Variants in AUTS2 observed in about 807,000 individuals in gnomAD.
AUTS2 encodes the protein autism susceptibility gene 2 protein.
In AUTS2, 17 loss-of-function variants were observed where a neutral mutation model predicts 112.4. That is an observed-to-expected ratio of 0.15 (90% CI 0.10 to 0.23). The LOEUF (loss-of-function observed/expected upper bound fraction) is 0.23. AUTS2 is among the 10% of genes least tolerant of loss of function. AUTS2 has a pLI of 1.00. For missense variants in AUTS2, 1,510 were observed against 1,701.6 expected, an observed-to-expected ratio of 0.89 and a Z score of 1.98; for synonymous variants, 751 against 702.7, an observed-to-expected ratio of 1.07 and a Z score of -1.09.
chr7:70,240,532 C>G (rs1308413566), intron 4 of AUTS2, among the ~76,000 whole-genome samples: 1 of 152,232 alleles, frequency 6.6e-6, no homozygotes, highest in East Asian at 1.9e-4. Flanking sequence ...TGACTCCGGT[C>G]TAGTATTACT....
At chr7:70,231,311 G>C (rs1812036711) in intron 4 of AUTS2, among the ~76,000 whole-genome samples, 1 of 152,154 alleles carries the variant, frequency 6.6e-6, no homozygotes, top group Admixed American at 6.5e-5. Flanking sequence ...TCACCACCCA[G>C]ATTAAGATAC....
chr7:70,126,474 C>T (rs1187418606), intron 3 of AUTS2, among the ~76,000 whole-genome samples: 3 of 152,022 alleles, frequency 2.0e-5, no homozygotes, highest in Non-Finnish European at 4.4e-5. Context: ...GACCATGTTG[C>T]CTGGGGGGAA....
intron 5 of AUTS2, among the ~76,000 whole-genome samples, chr7:70,611,128 T>C (rs1379959447): frequency 6.6e-6 from 1 of 152,214 alleles, no homozygotes; most frequent in Non-Finnish European, 1.5e-5. Context: ...CTTTAATCCA[T>C]TTTGAGTTGA....
chr7:69,690,299 A>G (rs145724180), intron 1 of AUTS2, among the ~76,000 whole-genome samples: 2 of 152,284 alleles, frequency 1.3e-5, no homozygotes, highest in African/African-American at 2.4e-5. Flanking sequence ...ATAATTCTCT[A>G]TGTATGAATT....
intron 1 of AUTS2, among the ~76,000 whole-genome samples, chr7:69,776,317 C>A (rs752937549): frequency 6.6e-6 from 1 of 152,158 alleles, no homozygotes; most frequent in Non-Finnish European, 1.5e-5. Flanking sequence ...TAGGTTTTTC[C>A]TTTCCTAGTA....
rs556202808 is a variant in AUTS2, at chr7:69,710,303, A to G, written c.309+110341A>G. Among the ~76,000 whole-genome samples, 34 of 152,324 alleles carry G rather than the reference A, an allele frequency of 2.2e-4. No individual in the cohort carries two copies. The East Asian group carries it at 6.0e-3, about 27-fold the overall frequency. On this transcript the variant is annotated intron_variant, in intron 1 of 18. Coordinates refer to ENST00000342771, the MANE Select transcript of AUTS2 (RefSeq NM_015570.4). The stretch of plus-strand genomic sequence containing the variant: ...AGCTGTATACCACAGGTTGTTGGCT[A>G]GTTTTCCAAAAGCAATTAAAATGCC...
intron 4 of AUTS2, among the ~76,000 whole-genome samples, chr7:70,335,848 G>A (rs1790964631): frequency 6.6e-6 from 1 of 152,162 alleles, no homozygotes. Flanking sequence ...TATTAATGAA[G>A]AAGCCAATTG....
intron 5 of AUTS2, among the ~76,000 whole-genome samples, chr7:70,635,342 A>C (rs1805480160): frequency 3.9e-5 from 6 of 152,150 alleles, no homozygotes; most frequent in Admixed American, 3.9e-4. Context: ...GAACATTGTG[A>C]AGGCAGAGAG....
chr7:70,251,329 C>G (rs994154128), intron 4 of AUTS2, among the ~76,000 whole-genome samples: 1 of 152,104 alleles, frequency 6.6e-6, no homozygotes, highest in Non-Finnish European at 1.5e-5. Flanking sequence ...CTCCAAAGTG[C>G]TGGGATTACA....
intron 1 of AUTS2, among the ~76,000 whole-genome samples, chr7:69,603,915 C>G (rs1178698747): frequency 2.6e-5 from 4 of 152,010 alleles, no homozygotes; most frequent in African/African-American, 7.3e-5. Context: ...TGTGTTGTGT[C>G]TATTAGGAAG....
intron 1 of AUTS2, among the ~76,000 whole-genome samples, chr7:69,865,031 GT>G (rs1447694969): frequency 6.6e-6 from 1 of 150,964 alleles, no homozygotes; most frequent in Non-Finnish European, 1.5e-5. Context: ...GCCTTCAGCT[GT>G]TTTTTTCACT....
chr7:70,646,596 G>A (rs1006216618), intron 5 of AUTS2, among the ~76,000 whole-genome samples: 5 of 152,216 alleles, frequency 3.3e-5, no homozygotes, highest in African/African-American at 9.6e-5. Context: ...GGCCCCCCAA[G>A]GGGATTCTCT....
intron 2 of AUTS2, among the ~76,000 whole-genome samples, chr7:69,906,646 C>T (rs769544248): frequency 6.6e-6 from 1 of 152,164 alleles, no homozygotes; most frequent in Non-Finnish European, 1.5e-5. Context: ...GACAGGCAGA[C>T]GCAGGCAATT....
At position 70,696,737 on chromosome 7, in the gene AUTS2, CCT is replaced by C. The variant is rs1486203416; in HGVS notation, c.691-1831_691-1830del. Among the ~76,000 whole-genome samples the C allele has an allele frequency of 3.3e-5, 5 of 152,210 alleles. No homozygotes were observed. The East Asian group carries it at 9.7e-4, about 29-fold the overall frequency. ...ACTTGGTCAGGAACCATTTACTTTC[CCT>C]GTTTATGCTTTTTGCATTCAGAGAC... On this transcript the variant is annotated intron_variant, in intron 5 of 18. Coordinates refer to ENST00000342771, the MANE Select transcript of AUTS2 (RefSeq NM_015570.4).
chr7:70,739,264 G>C (rs776886288), intron 6 of AUTS2, among the ~76,000 whole-genome samples: 1 of 151,512 alleles, frequency 6.6e-6, no homozygotes, highest in Non-Finnish European at 1.5e-5. Context: ...CTGGGCTCAA[G>C]CAATCCTCCT....
chr7:70,694,462 C>A lies in AUTS2; in HGVS notation c.691-4107C>A. 6.7e-6 allele frequency: 1 copy of A among 149,076 alleles called. No individual in the cohort carries two copies. The highest frequency in any genetic ancestry group is 2.1e-4 in the South Asian group (1 of 4,812). The allele number at this position is 149,076 out of a possible 1,614,324, so 9.2% of individuals were successfully genotyped here. On this transcript the variant is annotated intron_variant, in intron 5 of 18. Transcript: ENST00000342771. The surrounding 1 kb of genome is among the most constrained non-coding windows in gnomAD (Gnocchi z 4.1). ...GGCGGGACCGGCTGTCGGGGAGCCC[C>A]GGGCGGCCGCCGGGGAGAAGCCGCC...
intron 1 of AUTS2, among the ~76,000 whole-genome samples, chr7:69,614,314 C>CCCTTTCTTTCTT (rs1793204510): frequency 1.2e-5 from 1 of 83,320 alleles, no homozygotes. Flanking sequence ...CACTCTCCGT[C>CCCTTTCTTTCTT]TCTTTCTTTC....
At chr7:69,809,756 A>T (rs1010505550) in intron 1 of AUTS2, among the ~76,000 whole-genome samples, 3 of 152,176 alleles carry the variant, frequency 2.0e-5, no homozygotes, top group Non-Finnish European at 2.9e-5. Context: ...ACATGCCCCA[A>T]TAGGTACAAC....
At chr7:70,257,368 A>G (rs1204916576) in intron 4 of AUTS2, among the ~76,000 whole-genome samples, 1 of 152,156 alleles carries the variant, frequency 6.6e-6, no homozygotes, top group Non-Finnish European at 1.5e-5. Context: ...CCCTGGCTGG[A>G]GTGCAGTGGC....
Sources: allele counts gnomAD v4.1 joint callset (sites outside exome capture counted in the v4.1 genomes callset), GRCh38; gene constraint gnomAD v4.1.1; non-coding constraint Gnocchi (gnomAD v3.1); transcripts MANE v1.5; gene names NCBI Gene and HGNC (gene_info 2026-07-23, HGNC 2026-07-21).